RYR3: variants seen among roughly 807,000 people sequenced by gnomAD.
RYR3 encodes ryanodine receptor 3, also known as brain ryanodine receptor-calcium release channel.
In RYR3, 207 loss-of-function variants were observed where a neutral mutation model predicts 584.3. The observed-to-expected ratio is 0.35, with a 90% confidence interval of 0.32 to 0.40. The LOEUF (loss-of-function observed/expected upper bound fraction) is 0.40. RYR3 is among the 10% of genes least tolerant of loss of function. The probability of loss-of-function intolerance (pLI) is 1.00; values close to 1 mark genes in which losing one functional copy is unlikely to be tolerated. For synonymous variants in RYR3, 2,416 were observed against 2,248.5 expected (o/e 1.07, Z -2.11); for missense variants, 5,616 against 6,089.2 (o/e 0.92, Z 2.59).
At chr15:33,394,553 T>C (rs1049345302) in intron 1 of RYR3, among the ~76,000 whole-genome samples, 1 of 152,236 alleles carries the variant, frequency 6.6e-6, no homozygotes. Context: ...GTTGTCACTT[T>C]GGCTGCTGAG....
intron 4 of RYR3, among the ~76,000 whole-genome samples, chr15:33,532,299 TATA>T (rs1171590633): frequency 6.6e-6 from 1 of 152,178 alleles, no homozygotes; most frequent in Non-Finnish European, 1.5e-5. Context: ...CATGTATCTT[TATA>T]ATAAGAAAAA....
At chr15:33,461,260 T>C (rs887670965) in intron 1 of RYR3, among the ~76,000 whole-genome samples, 3 of 152,078 alleles carry the variant, frequency 2.0e-5, no homozygotes, top group Non-Finnish European at 4.4e-5. Context: ...TATCCAACTT[T>C]TAACCACAGA....
At chr15:33,642,537 A>G (rs1260700001) in intron 27 of RYR3, among the ~76,000 whole-genome samples, 1 of 152,166 alleles carries the variant, frequency 6.6e-6, no homozygotes, top group East Asian at 1.9e-4. Flanking sequence ...TGGGATTGGG[A>G]TACTTTCTTC....
intron 3 of RYR3, among the ~76,000 whole-genome samples, chr15:33,529,829 A>C (rs143455929): frequency 6.6e-6 from 1 of 152,188 alleles, no homozygotes; most frequent in Non-Finnish European, 1.5e-5. Context: ...GTCTCCTATC[A>C]TGTACCATTC....
intron 1 of RYR3, among the ~76,000 whole-genome samples, chr15:33,359,198 C>CT (rs1445035433): frequency 6.6e-6 from 1 of 152,212 alleles, no homozygotes; most frequent in African/African-American, 2.4e-5. Context: ...ACATGATACT[C>CT]TTAAAACACA....
intron 13 of RYR3, 138 bp from the exon 14 acceptor site, chr15:33,581,370 C>A: frequency 3.6e-6 from 3 of 842,150 alleles, no homozygotes. Flanking sequence ...AAAACAAACC[C>A]AACTGGCACC....
At chr15:33,510,559 C>A (rs574328179) in intron 3 of RYR3, among the ~76,000 whole-genome samples, 21 of 152,138 alleles carry the variant, frequency 1.4e-4, no homozygotes, top group Non-Finnish European at 1.5e-5. Flanking sequence ...AGGACAGCAA[C>A]CCTAAAGCAC....
At chr15:33,501,979 G>A (rs1047696645) in intron 2 of RYR3, among the ~76,000 whole-genome samples, 2 of 152,122 alleles carry the variant, frequency 1.3e-5, no homozygotes, top group African/African-American at 4.8e-5. Flanking sequence ...AAAAAGGATT[G>A]GGCAAATTCC....
chr15:33,801,390 C>A (rs1374734301), intron 68 of RYR3, among the ~76,000 whole-genome samples: 1 of 152,140 alleles, frequency 6.6e-6, no homozygotes, highest in Non-Finnish European at 1.5e-5. Context: ...GCTAGACTCT[C>A]ATTTAATCTC....
Position 33,840,884 on chromosome 15 carries a change from G to A in RYR3, c.13037+1G>A. The stretch of plus-strand genomic sequence containing the variant: ...GAAAAGTAGAATCCGAGAAGGCAGA[G>A]TAAGTTCTTGGTAGCATCAACTACT... On this transcript the variant is annotated splice_donor_variant, in intron 90 of 103. Transcript: ENST00000634891. LOFTEE classifies it high-confidence loss of function. 6.2e-7 allele frequency: 1 copy of A among 1,613,682 alleles called. No homozygotes were observed. The highest frequency in any genetic ancestry group is 8.5e-7 in the Non-Finnish European group (1 of 1,179,696).
At chr15:33,744,178 A>C (rs188710881) in intron 52 of RYR3, among the ~76,000 whole-genome samples, 1 of 152,290 alleles carries the variant, frequency 6.6e-6, no homozygotes, top group African/African-American at 2.4e-5. Context: ...TATCACTCCA[A>C]GCATGAATTC....
chr15:33,681,026 T>G (rs185787221), intron 38 of RYR3, among the ~76,000 whole-genome samples: 69 of 152,338 alleles, frequency 4.5e-4, no homozygotes, highest in Middle Eastern at 3.4e-3. Flanking sequence ...CTTTCTGTGT[T>G]TAATGTCAGC....
intron 1 of RYR3, among the ~76,000 whole-genome samples, chr15:33,461,482 C>G (rs1453911570): frequency 2.0e-5 from 3 of 152,182 alleles, no homozygotes; most frequent in Non-Finnish European, 4.4e-5. Context: ...CAATTCTAAT[C>G]TGTTATTTCT....
In RYR3 at chr15:33,836,957, A is replaced by G; in HGVS notation, c.11620A>G (p.Met3874Val). 1.9e-6 allele frequency: 3 copies of G among 1,613,662 alleles called. No homozygotes were observed. The highest frequency in any genetic ancestry group is 1.3e-5 in the African/African-American group (1 of 75,028). The change falls in exon 88 of 104, where the codon ATG becomes GTG. Residue 3874 changes from methionine to valine, a missense_variant. Physicochemically the swap from Met to Val is conservative, Grantham distance 21. Around this residue, in one of 9 missense-constraint regions of RYR3, gnomAD observed 13 missense variants for 41.1 expected, o/e 0.32. Transcript: ENST00000634891. ...LKELLDLLQDMVVMLLSLLEG... is the reference protein window; with the variant it reads ...LKELLDLLQDVVVMLLSLLEG... ...GGAACTCTTGGATCTCCTTCAGGACATGGTGGTGATGCTTCTGTCCCTCCT... is the reference window on the plus strand; with the variant it reads ...GGAACTCTTGGATCTCCTTCAGGACGTGGTGGTGATGCTTCTGTCCCTCCT...
intron 42 of RYR3, among the ~76,000 whole-genome samples, chr15:33,705,081 C>T (rs1274035765): frequency 6.9e-6 from 1 of 145,428 alleles, no homozygotes; most frequent in Non-Finnish European, 1.5e-5. Flanking sequence ...CATATGCACA[C>T]ACACATGCAC....
intron 67 of RYR3, among the ~76,000 whole-genome samples, chr15:33,790,415 C>G (rs906672770): frequency 1.3e-5 from 2 of 152,032 alleles, no homozygotes; most frequent in Admixed American, 6.6e-5. Context: ...GAAGGTAGAG[C>G]CCTTGGAATT....
intron 1 of RYR3, among the ~76,000 whole-genome samples, chr15:33,338,416 G>A (rs1276584760): frequency 6.6e-6 from 1 of 152,192 alleles, no homozygotes; most frequent in East Asian, 1.9e-4. Flanking sequence ...AAGGGGCAGA[G>A]GAAAAATGCG....
chr15:33,419,907 A>G (rs553030876), intron 1 of RYR3, among the ~76,000 whole-genome samples: 2 of 152,204 alleles, frequency 1.3e-5, no homozygotes, highest in African/African-American at 4.8e-5. Flanking sequence ...TTTTGCCTGC[A>G]TAAGCAGCGT....
intron 32 of RYR3, among the ~76,000 whole-genome samples, chr15:33,658,937 T>G (rs7163100): frequency 0.78 from 117,928 of 151,628 alleles, 46,255 homozygotes; most frequent in East Asian, 0.86. Flanking sequence ...CGGGGAGAAT[T>G]AGGGCTTTGA....
Sources: allele counts gnomAD v4.1 joint callset (sites outside exome capture counted in the v4.1 genomes callset), GRCh38; gene constraint gnomAD v4.1.1; regional missense constraint gnomAD v4.1.1; transcripts MANE v1.5; gene names NCBI Gene and HGNC (gene_info 2026-07-23, HGNC 2026-07-21).